The following NAALADL2 variants were observed in gnomAD, a reference collection of about 807,000 sequenced individuals.
NAALADL2 encodes inactive N-acetylated-alpha-linked acidic dipeptidase-like protein 2.
A neutral mutation model predicts 87.2 loss-of-function variants in NAALADL2; 76 were observed. The ratio of observed to expected loss-of-function variants is 0.87; its 90% CI spans 0.72 to 1.05. NAALADL2 has a LOEUF of 1.05. Ranked by LOEUF, NAALADL2 falls within the 50% of genes least tolerant of loss-of-function variation. The probability of loss-of-function intolerance (pLI) is 0.00; values close to 1 mark genes in which losing one functional copy is unlikely to be tolerated. For synonymous variants in NAALADL2, 354 were observed against 331.0 expected, an observed-to-expected ratio of 1.07 and a Z score of -0.75; for missense variants, 1,089 against 945.8, an observed-to-expected ratio of 1.15 and a Z score of -1.99.
chr3:175,077,743 C>CTA (rs1393321424), intron 1 of NAALADL2, among the ~76,000 whole-genome samples: 2 of 151,936 alleles, frequency 1.3e-5, no homozygotes, highest in African/African-American at 4.8e-5. Context: ...TTCTGATATC[C>CTA]TATATATAAT....
chr3:174,929,225 G>A (rs541095139), intron 1 of NAALADL2, among the ~76,000 whole-genome samples: 1 of 152,324 alleles, frequency 6.6e-6, no homozygotes, highest in African/African-American at 2.4e-5. Context: ...CTCTGTGTTT[G>A]TGGTGGGCCA....
rs186973045 is a variant in NAALADL2 at position 174,842,270 on chromosome 3, C to T, written c.-9+104524C>T. 2.8e-4 allele frequency among the ~76,000 whole-genome samples: 42 copies of T among 152,140 alleles called. No individual in the cohort carries two copies. The Middle Eastern group carries it at 0.01, about 37-fold the overall frequency. On this transcript the variant is annotated intron_variant, in intron 3 of 3. Transcript: ENST00000434257. ...TTCTCCATGTTGGTCAGGCTGGTCT[C>T]GAACTCCTGGCCTCAGGTGATCCAC...
At chr3:174,614,572 G>A (rs1166528826) in intron 2 of NAALADL2, among the ~76,000 whole-genome samples, 3 of 152,126 alleles carry the variant, frequency 2.0e-5, no homozygotes, top group Admixed American at 6.5e-5. Flanking sequence ...GTCAAGGGAC[G>A]GGGGAGAGGT....
intron 2 of NAALADL2, among the ~76,000 whole-genome samples, chr3:175,198,394 T>G (rs931035968): frequency 2.0e-5 from 3 of 152,120 alleles, no homozygotes; most frequent in African/African-American, 7.2e-5. Context: ...TGAATGTCTA[T>G]TCTACACATG....
At chr3:174,605,551 A>T (rs1718942160) in intron 2 of NAALADL2, among the ~76,000 whole-genome samples, 1 of 152,074 alleles carries the variant, frequency 6.6e-6, no homozygotes, top group South Asian at 2.1e-4. Flanking sequence ...ACGCCCACGG[A>T]GTCTCTGATT....
At chr3:175,089,595 G>T (rs1384030823) in intron 1 of NAALADL2, among the ~76,000 whole-genome samples, 1 of 152,124 alleles carries the variant, frequency 6.6e-6, no homozygotes, top group Non-Finnish European at 1.5e-5. Flanking sequence ...TCAGTGAATT[G>T]TGAATTAGCA....
chr3:174,768,685 A>C (rs1260857979), intron 3 of NAALADL2, among the ~76,000 whole-genome samples: 1 of 152,200 alleles, frequency 6.6e-6, no homozygotes, highest in Non-Finnish European at 1.5e-5. Context: ...AAAAGTTTGA[A>C]TAAATTTGCT....
chr3:174,466,847 C>T (rs942655109), intron 1 of NAALADL2, among the ~76,000 whole-genome samples: 18 of 152,126 alleles, frequency 1.2e-4, no homozygotes, highest in African/African-American at 3.9e-4. Flanking sequence ...CATATTTAAA[C>T]ACATAGTTCT....
At position 175,691,375 on chromosome 3, in the gene NAALADL2, C is replaced by T. The variant is rs149944672; in HGVS notation, c.1897-45931C>T. On this transcript the variant is annotated intron_variant, in intron 11 of 13. Transcript: ENST00000454872. ...GTAGTCATAGCTTTTATTATAATTT[C>T]GGATTCACTGTTTTATTTGTGTGTG... 2.1e-3 allele frequency among the ~76,000 whole-genome samples: 323 copies of T among 151,094 alleles called. 3 individuals carry two copies. The highest frequency in any genetic ancestry group is 7.2e-3 in the African/African-American group (299 of 41,320).
chr3:175,646,260 C>G (rs1729987443), intron 11 of NAALADL2, among the ~76,000 whole-genome samples: 1 of 151,862 alleles, frequency 6.6e-6, no homozygotes, highest in African/African-American at 2.4e-5. Context: ...TTAAAAGTGA[C>G]ATTTTACTTT....
At chr3:175,228,913 CAT>C (rs1744547693) in intron 2 of NAALADL2, among the ~76,000 whole-genome samples, 2 of 151,980 alleles carry the variant, frequency 1.3e-5, no homozygotes, top group South Asian at 4.1e-4. Context: ...AAATATATCA[CAT>C]GATAGCTAAA....
chr3:175,716,171 G>C (rs1254254094), intron 11 of NAALADL2, among the ~76,000 whole-genome samples: 1 of 144,374 alleles, frequency 6.9e-6, no homozygotes, highest in Admixed American at 7.0e-5. Context: ...TAATATATTG[G>C]AATACATATA....
At chr3:175,234,228 C>T in intron 3 of NAALADL2, 24 bp downstream of exon 3, 1 of 1,600,124 alleles carries the variant, frequency 6.2e-7, no homozygotes, top group Non-Finnish European at 8.5e-7. Context: ...TTGTCTCTGT[C>T]ATTTACAGTG....
chr3:174,556,943 C>T (rs1372128522), intron 2 of NAALADL2, among the ~76,000 whole-genome samples: 1 of 152,072 alleles, frequency 6.6e-6, no homozygotes, highest in Admixed American at 6.6e-5. Flanking sequence ...GCGGTCTCAC[C>T]ATGAATTGTT....
intron 5 of NAALADL2, among the ~76,000 whole-genome samples, chr3:175,352,262 C>T (rs185541838): frequency 1.3e-5 from 2 of 151,832 alleles, no homozygotes; most frequent in Admixed American, 1.3e-4. Flanking sequence ...GAGATATCAC[C>T]TGGGCTTTCT....
At chr3:175,506,728 C>G (rs920104256) in intron 9 of NAALADL2, among the ~76,000 whole-genome samples, 3 of 152,142 alleles carry the variant, frequency 2.0e-5, no homozygotes, top group African/African-American at 7.2e-5. Flanking sequence ...GATGTAAGCT[C>G]TTGGGCTGCT....
At chr3:175,301,945 C>A (rs940267476) in intron 4 of NAALADL2, among the ~76,000 whole-genome samples, 12 of 152,136 alleles carry the variant, frequency 7.9e-5, no homozygotes, top group African/African-American at 2.9e-4. Context: ...ATTAACTCTG[C>A]TCTTGTAACT....
intron 2 of NAALADL2, among the ~76,000 whole-genome samples, chr3:175,137,607 CTTTTTT>C (rs66682761): frequency 7.4e-6 from 1 of 134,428 alleles, no homozygotes; most frequent in Non-Finnish European, 1.6e-5. Flanking sequence ...GAGATTGACC[CTTTTTT>C]TTTTTTTTTT....
chr3:175,557,123 G>A (rs549428620), intron 9 of NAALADL2, among the ~76,000 whole-genome samples: 20 of 152,270 alleles, frequency 1.3e-4, no homozygotes, highest in African/African-American at 4.8e-4. Flanking sequence ...ACTGACCTTC[G>A]ATATATTTCT....
Sources: allele counts gnomAD v4.1 joint callset (sites outside exome capture counted in the v4.1 genomes callset), GRCh38; gene constraint gnomAD v4.1.1; transcripts MANE v1.5; gene names NCBI Gene and HGNC (gene_info 2026-07-23, HGNC 2026-07-21).